The following NDRG3 variants were observed in gnomAD, a reference collection of about 807,000 sequenced individuals.
The protein encoded by NDRG3 is NDRG family member 3, also known as protein NDRG3.
In NDRG3, 23 loss-of-function variants were observed where a neutral mutation model predicts 57.2. The ratio of observed to expected loss-of-function variants is 0.40; its 90% confidence interval spans 0.29 to 0.57. The LOEUF is 0.57. Ranked by LOEUF, NDRG3 falls within the 20% of genes least tolerant of loss-of-function variation. The pLI, the probability that NDRG3 is intolerant of heterozygous loss-of-function variation, is 0.42. For synonymous variants in NDRG3, 132 were observed against 162.6 expected (o/e 0.81, Z 1.43); for missense variants, 384 against 457.3 (o/e 0.84, Z 1.46).
At chr20:36,715,295 C>T (rs79168749) in intron 2 of NDRG3, among the ~76,000 whole-genome samples, 4,922 of 151,130 alleles carry the variant, frequency 0.033, 306 homozygotes, top group African/African-American at 0.11. Context: ...TGGTCTGTAA[C>T]GGTGGCATCA....
chr20:36,665,326 G>A, intron 10 of NDRG3, 25 bp from the exon 11 acceptor site: 4 of 1,610,822 alleles, frequency 2.5e-6, no homozygotes, highest in Non-Finnish European at 2.5e-6. Flanking sequence ...CAGAAGCAAT[G>A]CCCTTTTTGG....
intron 2 of NDRG3, among the ~76,000 whole-genome samples, chr20:36,716,148 G>A (rs2148188301): frequency 6.6e-6 from 1 of 151,910 alleles, no homozygotes; most frequent in East Asian, 2.0e-4. Flanking sequence ...TGTTCCCAGG[G>A]TTCTCCCTCC....
At chr20:36,736,124 G>A (rs1397021362) in intron 1 of NDRG3, among the ~76,000 whole-genome samples, 1 of 152,110 alleles carries the variant, frequency 6.6e-6, no homozygotes, top group Non-Finnish European at 1.5e-5. Context: ...AGGTTTCTGA[G>A]GAGCAGAATG....
chr20:36,740,975 C>T (rs1164233628), intron 1 of NDRG3, among the ~76,000 whole-genome samples: 1 of 151,958 alleles, frequency 6.6e-6, no homozygotes, highest in Non-Finnish European at 1.5e-5. Context: ...TTTTCAAGTG[C>T]TATTAAAAAA....
rs757606826 is a variant in NDRG3 at position 36,730,112 on chromosome 20, T to C, written c.-48-8329A>G. On this transcript the variant is annotated intron_variant, in intron 1 of 15. Transcript: ENST00000349004. ...AAATACAAAAATTAGCCGGGCATGA[T>C]AGCACGTGCCTGTAATCCCAGCTAC... is the stretch of plus-strand genomic sequence containing the variant. 1.4e-4 allele frequency among the ~76,000 whole-genome samples: 21 copies of C among 151,472 alleles called. 1 individual carries two copies. The highest frequency in any genetic ancestry group is 4.4e-5 in the Non-Finnish European group (3 of 67,872).
rs140606208 is a variant in NDRG3, at chr20:36,662,793, G to A, written c.810+2253C>T. Among the ~76,000 whole-genome samples the A allele has an allele frequency of 2.0e-4, 30 of 152,258 alleles. No individual in the cohort carries two copies. In the East Asian group the frequency reaches 4.8e-3, roughly 24 times the overall value. On this transcript the variant is annotated intron_variant, in intron 12 of 15. Transcript: ENST00000349004. Reference sequence around the variant, plus strand: ...AGAGCATCTACTTGTGGTATAGACAGGGCTCCAGAATTCTCATAAACACTG... The same window carrying A: ...AGAGCATCTACTTGTGGTATAGACAAGGCTCCAGAATTCTCATAAACACTG...
chr20:36,716,062 T>A (rs1984255908), intron 2 of NDRG3, among the ~76,000 whole-genome samples: 1 of 152,118 alleles, frequency 6.6e-6, no homozygotes, highest in Admixed American at 6.5e-5. Flanking sequence ...GCCACTGGAC[T>A]CCAGCCTGGG....
chr20:36,654,725 C>T (rs749200674), intron 15 of NDRG3: 73 of 775,078 alleles, frequency 9.4e-5, no homozygotes, highest in Admixed American at 6.8e-4. Context: ...ATAGGAAGAC[C>T]GCGGACATGC....
chr20:36,665,790 G>C lies in NDRG3; in HGVS notation c.693-489C>G, dbSNP rs145423170. Among the ~76,000 whole-genome samples, 692 of 152,188 alleles carry C rather than the reference G, an allele frequency of 4.5e-3. 11 individuals carry two copies. The highest frequency in any genetic ancestry group is 0.042 in the East Asian group (218 of 5,174). ...ATTTTTGTATTTTTGTAGAGATGGG[G>C]TTTCACTATGTTGGCCAGGCTGGTC... On this transcript the variant is annotated intron_variant, in intron 10 of 15. Transcript: ENST00000349004.
chr20:36,678,024 T>C (rs1980908768), intron 8 of NDRG3, among the ~76,000 whole-genome samples: 1 of 152,218 alleles, frequency 6.6e-6, no homozygotes, highest in African/African-American at 2.4e-5. Context: ...GTGCTTATAT[T>C]TGTAAAGTCA....
At chr20:36,656,840 C>T (rs1600848378) in intron 13 of NDRG3, among the ~76,000 whole-genome samples, 2 of 152,172 alleles carry the variant, frequency 1.3e-5, no homozygotes, top group African/African-American at 4.8e-5. Flanking sequence ...AAGAAGGTTC[C>T]TTTCAGAGCC....
At chr20:36,695,297 T>C (rs186381672) in intron 3 of NDRG3, among the ~76,000 whole-genome samples, 1 of 152,250 alleles carries the variant, frequency 6.6e-6, no homozygotes, top group East Asian at 1.9e-4. Context: ...AGCATGTGTG[T>C]TTGAACAATA....
chr20:36,720,000 C>T (rs946281863), intron 2 of NDRG3, among the ~76,000 whole-genome samples: 8 of 150,498 alleles, frequency 5.3e-5, no homozygotes, highest in Non-Finnish European at 7.4e-5. Flanking sequence ...CCAGCCACTC[C>T]GGAGGCTGAG....
At chr20:36,711,456 T>C (rs1983874955) in intron 2 of NDRG3, among the ~76,000 whole-genome samples, 1 of 152,182 alleles carries the variant, frequency 6.6e-6, no homozygotes, top group Non-Finnish European at 1.5e-5. Flanking sequence ...AAAATCACTC[T>C]AGATTGAATT....
chr20:36,687,567 T>C lies in NDRG3; in HGVS notation c.245A>G (p.Glu82Gly). 6.2e-7 allele frequency: 1 copy of C among 1,614,114 alleles called. No homozygotes were observed. Among genetic ancestry groups the C allele is most frequent in the South Asian group, 1.1e-5 (1 of 91,068 alleles). ...NAFFNFEDMQ[E>G]ITQHFAVCHV... ...ACAGACAGCAAAGTGCTGGGTGATC[T>C]CTTGCATATCCTCAAAGTTAAAGAA... Residue 82 changes from glutamate to glycine, a missense_variant, in exon 5 of 16, where the codon GAG becomes GGG. Physicochemically the swap from Glu to Gly is moderately conservative, Grantham distance 98. Coordinates refer to ENST00000349004, the MANE Select transcript of NDRG3 (RefSeq NM_032013.4).
intron 8 of NDRG3, among the ~76,000 whole-genome samples, chr20:36,679,465 G>A (rs932431801): frequency 4.0e-5 from 6 of 151,720 alleles, no homozygotes; most frequent in African/African-American, 4.8e-5. Context: ...TCACACAATA[G>A]GTTACTAAAG....
intron 3 of NDRG3, among the ~76,000 whole-genome samples, chr20:36,702,751 C>A (rs1423338800): frequency 6.6e-6 from 1 of 151,030 alleles, no homozygotes; most frequent in Admixed American, 6.6e-5. Context: ...TGCAATGGTG[C>A]GATCTCGGCT....
chr20:36,686,493 T>C (rs1981791959), intron 5 of NDRG3, among the ~76,000 whole-genome samples: 1 of 152,180 alleles, frequency 6.6e-6, no homozygotes, highest in South Asian at 2.1e-4. Context: ...AATTGTCTAT[T>C]TCCCAGCAGT....
At position 36,682,561 on chromosome 20, in the gene NDRG3, C is replaced by T; in HGVS notation, c.401G>A (p.Gly134Glu). 1 of 1,614,050 alleles carries T rather than the reference C, an allele frequency of 6.2e-7. No individual in the cohort carries two copies. The highest frequency in any genetic ancestry group is 8.5e-7 in the Non-Finnish European group (1 of 1,179,946). The part of the protein sequence containing the change: ...LTHLSLKSII[G>E]IGVGAGAYIL... Reference sequence around the variant, plus strand: ...GTAAGCTCCAGCTCCAACTCCAATTCCAATGATGCTTTTCAGGCTGTGAAT... The same window carrying T: ...GTAAGCTCCAGCTCCAACTCCAATTTCAATGATGCTTTTCAGGCTGTGAAT... Residue 134 changes from glycine to glutamate, a missense_variant, in exon 7 of 16, where the codon GGA (glycine) becomes GAA (glutamate). By Grantham distance (98) the Gly-to-Glu change is moderately conservative. Coordinates refer to ENST00000349004, the MANE Select transcript of NDRG3 (RefSeq NM_032013.4).
Sources: gnomAD v4.1 joint callset for allele counts (sites outside exome capture counted in the v4.1 genomes callset) on GRCh38, gnomAD v4.1.1 for gene constraint, MANE v1.5 for transcripts, NCBI Gene and HGNC (gene_info 2026-07-23, HGNC 2026-07-21) for gene names.